The following LHPP variants were observed in gnomAD, a reference collection of about 807,000 sequenced individuals.
LHPP encodes the protein hLHPP.
LHPP carries 24 observed loss-of-function variants against 30.3 expected under a neutral mutation model. The ratio of observed to expected loss-of-function variants is 0.79; its 90% confidence interval spans 0.57 to 1.11. LHPP has a LOEUF of 1.11. Ranked by LOEUF, LHPP falls within the 50% of genes most tolerant of loss-of-function variation. The pLI is 0.00. For missense variants in LHPP, 356 were observed against 367.2 expected (o/e 0.97, Z 0.25); for synonymous variants, 150 against 157.1 (o/e 0.95, Z 0.34).
At chr10:124,462,065 G>A (rs1016075679) in intron 1 of LHPP, 78 bp downstream of exon 1, 2 of 1,144,696 alleles carry the variant, frequency 1.7e-6, no homozygotes, top group African/African-American at 3.3e-5. Flanking sequence ...CAGGGGGCGG[G>A]GCGGCAGGGG....
At chr10:124,604,639 TG>T (rs1368988122) in intron 6 of LHPP, among the ~76,000 whole-genome samples, 3 of 152,138 alleles carry the variant, frequency 2.0e-5, no homozygotes, top group Non-Finnish European at 4.4e-5. Context: ...GGATGCCCCT[TG>T]CCCGGCCTCA....
intron 5 of LHPP, among the ~76,000 whole-genome samples, chr10:124,501,601 TA>T (rs1046422221): frequency 0.077 from 8,959 of 116,398 alleles, 338 homozygotes; most frequent in African/African-American, 0.13. Context: ...GACTCTGTCT[TA>T]AAAAAAAAAA....
At chr10:124,561,304 GA>G (rs1217572865) in intron 6 of LHPP, among the ~76,000 whole-genome samples, 5 of 152,294 alleles carry the variant, frequency 3.3e-5, no homozygotes, top group African/African-American at 1.2e-4. Flanking sequence ...TGACCAGGCT[GA>G]AATGAGCCCC....
At chr10:124,560,313 A>AT (rs1276191606) in intron 6 of LHPP, among the ~76,000 whole-genome samples, 1 of 152,252 alleles carries the variant, frequency 6.6e-6, no homozygotes, top group Non-Finnish European at 1.5e-5. Flanking sequence ...AACATGTGGC[A>AT]TATTTCCTTC....
At chr10:124,582,842 TCA>T (rs1564841321) in intron 6 of LHPP, among the ~76,000 whole-genome samples, 12 of 146,362 alleles carry the variant, frequency 8.2e-5, no homozygotes, top group Non-Finnish European at 7.5e-5. Flanking sequence ...TTGTCTCTAT[TCA>T]AAAAAAAAAA....
chr10:124,498,316 T>G, intron 5 of LHPP, 188 bp downstream of exon 5: 1 of 1,578,716 alleles, frequency 6.3e-7, no homozygotes, highest in East Asian at 2.3e-5. Flanking sequence ...CTGAATAGTT[T>G]CAACCGTGAA....
chr10:124,599,500 C>T (rs534062520), intron 6 of LHPP, among the ~76,000 whole-genome samples: 10 of 152,368 alleles, frequency 6.6e-5, no homozygotes, highest in Non-Finnish European at 1.0e-4. Flanking sequence ...AGTCCCGCCT[C>T]CAGGCTTGCA....
At chr10:124,511,924 T>C (rs1413849729) in intron 5 of LHPP, among the ~76,000 whole-genome samples, 2 of 152,082 alleles carry the variant, frequency 1.3e-5, no homozygotes, top group African/African-American at 4.8e-5. Flanking sequence ...CTGTCCTCCA[T>C]GTCCTACAAC....
Position 124,496,284 on chromosome 10 carries a change from G to C in LHPP, c.468-677G>C, listed in dbSNP as rs1368290686. 6.6e-6 allele frequency among the ~76,000 whole-genome samples: 1 copy of C among 152,214 alleles called. No individual in the cohort carries two copies. Among genetic ancestry groups the C allele is most frequent in the Non-Finnish European group, 1.5e-5 (1 of 68,036 alleles). ...CCTTGAGGCTCAGTGTGACGCGATC[G>C]TAGGGTGAGCCTGGCCGGGCTGCAG... is the stretch of plus-strand genomic sequence containing the variant. On this transcript the variant is annotated intron_variant, in intron 3 of 6. Transcript: ENST00000368842. The surrounding 1 kb of genome is among the most constrained non-coding windows in gnomAD (Gnocchi z 4.3).
chr10:124,536,553 G>A (rs1052635755), intron 6 of LHPP, among the ~76,000 whole-genome samples: 1 of 152,224 alleles, frequency 6.6e-6, no homozygotes, highest in East Asian at 1.9e-4. Context: ...AGCTGCTGGG[G>A]CCCAGAGACC....
chr10:124,462,387 G>A (rs1490622809), intron 1 of LHPP, among the ~76,000 whole-genome samples: 1 of 152,066 alleles, frequency 6.6e-6, no homozygotes, highest in Non-Finnish European at 1.5e-5. Context: ...TGAGGCTAGG[G>A]GGTTGGAGAC....
rs117163724 is a variant in LHPP, at chr10:124,495,075, C to A, written c.468-1886C>A. Among the ~76,000 whole-genome samples, 15 of 152,316 alleles carry A rather than the reference C, an allele frequency of 9.8e-5. No individual in the cohort carries two copies. In the East Asian group the frequency reaches 2.1e-3, roughly 22 times the overall value. ...CAACTGGGAAAAAGAAAAAGCAGTA[C>A]TTTTTTAGGCCATGTAAATGCAAAA... On this transcript the variant is annotated intron_variant, in intron 3 of 6. Transcript: ENST00000368842.
intron 3 of LHPP, among the ~76,000 whole-genome samples, chr10:124,494,967 C>T (rs1953659353): frequency 6.6e-6 from 1 of 152,098 alleles, no homozygotes; most frequent in Non-Finnish European, 1.5e-5. Context: ...CAGTGCAGGC[C>T]CCAGGACCCG....
In LHPP at chr10:124,590,207, GGT is replaced by G. The variant is rs916924153; in HGVS notation, c.717-23051_717-23050del. 1.3e-5 allele frequency among the ~76,000 whole-genome samples: 2 copies of G among 152,114 alleles called. No individual in the cohort carries two copies. The highest frequency in any genetic ancestry group is 4.8e-5 in the African/African-American group (2 of 41,428). ...ACATGAAATTGAAGTGGGAGAACAT[GGT>G]GTGTGAGCATTATTGGGGGTGGGGT... On this transcript the variant is annotated intron_variant, in intron 6 of 6. Transcript: ENST00000368842. The surrounding 1 kb of genome is among the most constrained non-coding windows in gnomAD (Gnocchi z 4.3).
chr10:124,594,941 T>C (rs1948924205), intron 6 of LHPP, among the ~76,000 whole-genome samples: 1 of 152,166 alleles, frequency 6.6e-6, no homozygotes, highest in African/African-American at 2.4e-5. Flanking sequence ...CCTTTGCTCT[T>C]CCTTTGTCTT....
chr10:124,479,665 T>A (rs1159544355), intron 1 of LHPP, among the ~76,000 whole-genome samples: 1 of 152,190 alleles, frequency 6.6e-6, no homozygotes, highest in African/African-American at 2.4e-5. Flanking sequence ...ATGAGGGTGC[T>A]CTCTGGTGTC....
chr10:124,483,398 A>G (rs1438659378), intron 1 of LHPP, among the ~76,000 whole-genome samples: 1 of 152,204 alleles, frequency 6.6e-6, no homozygotes, highest in Admixed American at 6.5e-5. Context: ...AGCTGTGGAC[A>G]TTCAGAGGTG....
chr10:124,491,572 C>T (rs1953529943), intron 3 of LHPP, among the ~76,000 whole-genome samples: 1 of 152,198 alleles, frequency 6.6e-6, no homozygotes, highest in African/African-American at 2.4e-5. Flanking sequence ...TGGCTGACCC[C>T]AGACCCTGTG....
intron 3 of LHPP, among the ~76,000 whole-genome samples, chr10:124,491,055 A>G (rs1235381053): frequency 6.6e-6 from 1 of 151,826 alleles, no homozygotes; most frequent in East Asian, 1.9e-4. Flanking sequence ...GAGTTCTGGA[A>G]TCACAGGGTT....
Sources: allele counts gnomAD v4.1 joint callset (sites outside exome capture counted in the v4.1 genomes callset), GRCh38; gene constraint gnomAD v4.1.1; non-coding constraint Gnocchi (gnomAD v3.1); transcripts MANE v1.5; gene names NCBI Gene and HGNC (gene_info 2026-07-23, HGNC 2026-07-21).